The following FOXP2 variants were observed in gnomAD, a reference collection of about 807,000 sequenced individuals.
FOXP2 encodes the protein forkhead box P2, also known as forkhead box protein P2.
FOXP2 carries 12 observed loss-of-function variants against 115.8 expected under a neutral mutation model. The observed-to-expected ratio is 0.10, with a 90% confidence interval of 0.07 to 0.17. The LOEUF (loss-of-function observed/expected upper bound fraction) is 0.17, where lower values mean the gene tolerates loss of function less well. Among genes scored for constraint, FOXP2 ranks in the 10% least tolerant of loss-of-function variants. FOXP2 has a pLI of 1.00. For missense variants in FOXP2, 629 were observed against 843.5 expected, an observed-to-expected ratio of 0.75 and a Z score of 3.15; for synonymous variants, 328 against 297.7, an observed-to-expected ratio of 1.10 and a Z score of -1.05.
chr7:114,361,501 C>T (rs1791744156), intron 2 of FOXP2, among the ~76,000 whole-genome samples: 2 of 152,026 alleles, frequency 1.3e-5, no homozygotes, highest in African/African-American at 4.8e-5. Context: ...ATAATTTGTT[C>T]AGCCATAATG....
chr7:114,135,689 T>C (rs1251617500), intron 1 of FOXP2, among the ~76,000 whole-genome samples: 1 of 152,168 alleles, frequency 6.6e-6, no homozygotes, highest in Non-Finnish European at 1.5e-5. Context: ...AGTAGTGTTA[T>C]GCATTAGCTC....
intron 1 of FOXP2, among the ~76,000 whole-genome samples, chr7:114,101,936 T>C (rs1159240465): frequency 6.6e-6 from 1 of 151,036 alleles, no homozygotes; most frequent in African/African-American, 2.4e-5. Flanking sequence ...TGTGTGTGTG[T>C]GTGTCTAGAA....
chr7:114,225,909 T>C (rs961464944), intron 1 of FOXP2, among the ~76,000 whole-genome samples: 1 of 152,174 alleles, frequency 6.6e-6, no homozygotes, highest in African/African-American at 2.4e-5. Flanking sequence ...CAAAACATAT[T>C]CCATTATTTT....
chr7:114,544,738 A>G (rs1205147393), intron 3 of FOXP2, among the ~76,000 whole-genome samples: 1 of 152,236 alleles, frequency 6.6e-6, no homozygotes, highest in Non-Finnish European at 1.5e-5. Flanking sequence ...AGACAAAATT[A>G]TTCTCTCTAC....
intron 1 of FOXP2, among the ~76,000 whole-genome samples, chr7:114,101,900 TGTGTG>T (rs1421404325): frequency 4.1e-4 from 2 of 4,862 alleles, no homozygotes; most frequent in African/African-American, 9.5e-4. Context: ...TTCAACATTT[TGTGTG>T]TGTGTGTGTG....
At chr7:114,493,310 C>G (rs545905590) in intron 2 of FOXP2, among the ~76,000 whole-genome samples, 3 of 151,972 alleles carry the variant, frequency 2.0e-5, no homozygotes, top group Non-Finnish European at 4.4e-5. Flanking sequence ...TGTCTCTGCA[C>G]GTGAGATGGG....
intron 2 of FOXP2, among the ~76,000 whole-genome samples, chr7:114,458,552 T>G (rs1295590132): frequency 1.4e-5 from 2 of 146,352 alleles, no homozygotes; most frequent in African/African-American, 5.0e-5. Flanking sequence ...TTTTCTTTTT[T>G]TTTTTTTTTT....
At chr7:114,512,101 A>G (rs898839080) in intron 2 of FOXP2, among the ~76,000 whole-genome samples, 6 of 152,088 alleles carry the variant, frequency 3.9e-5, no homozygotes, top group Non-Finnish European at 1.5e-5. Flanking sequence ...TTTTTTGTTA[A>G]TATAGTTAGT....
chr7:114,163,578 T>G (rs903929602), intron 1 of FOXP2, among the ~76,000 whole-genome samples: 1 of 152,158 alleles, frequency 6.6e-6, no homozygotes, highest in African/African-American at 2.4e-5. Flanking sequence ...TTATCCATAA[T>G]CTGCTACACA....
At chr7:114,504,073 G>A (rs189557174) in intron 2 of FOXP2, among the ~76,000 whole-genome samples, 12 of 151,600 alleles carry the variant, frequency 7.9e-5, no homozygotes, top group South Asian at 2.1e-4. Context: ...TTTTGAAAGC[G>A]ATTGCACAGT....
At chr7:114,672,382 C>G (rs1347945859) in intron 16 of FOXP2, among the ~76,000 whole-genome samples, 1 of 152,002 alleles carries the variant, frequency 6.6e-6, no homozygotes, top group Non-Finnish European at 1.5e-5. Context: ...GTCAGGAGTT[C>G]AAGACCAGCC....
At chr7:114,398,682 T>G (rs1792803704) in intron 2 of FOXP2, among the ~76,000 whole-genome samples, 1 of 152,252 alleles carries the variant, frequency 6.6e-6, no homozygotes, top group Non-Finnish European at 1.5e-5. Context: ...ACAGTATAAA[T>G]TACTACAGCT....
chr7:114,341,907 G>C (rs573925903), intron 2 of FOXP2, among the ~76,000 whole-genome samples: 1 of 151,300 alleles, frequency 6.6e-6, no homozygotes, highest in African/African-American at 2.4e-5. Flanking sequence ...CACTGCCAAA[G>C]TCTACTTGAT....
Position 114,692,264 on chromosome 7 carries a change from C to T in FOXP2, c.*2338C>T, listed in dbSNP as rs1276295687. On this transcript the variant is annotated 3_prime_UTR_variant, in exon 17 of 17. Transcript: ENST00000350908. Reference sequence around the variant, plus strand: ...GACTACAATGCTAAAGTATGCATACCTCAGTTAGAAAACTTTTGAAAGGAA... The same window carrying T: ...GACTACAATGCTAAAGTATGCATACTTCAGTTAGAAAACTTTTGAAAGGAA... The T allele has an allele frequency of 1.5e-5, 7 of 453,776 alleles. No individual in the cohort carries two copies. The highest frequency in any genetic ancestry group is 3.1e-5 in the Non-Finnish European group (7 of 226,718). The allele number at this position is 453,776 out of a possible 1,614,324, so 28.1% of individuals were successfully genotyped here.
At chr7:114,670,377 A>G (rs1807430916) in intron 16 of FOXP2, among the ~76,000 whole-genome samples, 1 of 152,130 alleles carries the variant, frequency 6.6e-6, no homozygotes, top group Admixed American at 6.6e-5. Flanking sequence ...AATAGAGATC[A>G]TAAGATTTTT....
intron 10 of FOXP2, among the ~76,000 whole-genome samples, chr7:114,655,794 T>C (rs972160661): frequency 2.6e-5 from 4 of 152,150 alleles, no homozygotes; most frequent in Non-Finnish European, 5.9e-5. Context: ...TATCAGTACA[T>C]GAACACAAGG....
intron 10 of FOXP2, among the ~76,000 whole-genome samples, chr7:114,654,877 C>G (rs1806485167): frequency 6.6e-6 from 1 of 152,010 alleles, no homozygotes; most frequent in African/African-American, 2.4e-5. Flanking sequence ...GGGGAGGAGA[C>G]AGAAGACGAC....
At chr7:114,590,738 A>G (rs1802399567) in intron 3 of FOXP2, among the ~76,000 whole-genome samples, 1 of 152,128 alleles carries the variant, frequency 6.6e-6, no homozygotes, top group African/African-American at 2.4e-5. Flanking sequence ...GCAGCGGGGA[A>G]GATGATGAAT....
chr7:114,107,646 C>G (rs533287435), intron 1 of FOXP2, among the ~76,000 whole-genome samples: 1 of 152,016 alleles, frequency 6.6e-6, no homozygotes, highest in African/African-American at 2.4e-5. Flanking sequence ...GATACATATT[C>G]TTTAGCTCGT....
Sources: gnomAD v4.1 joint callset for allele counts (sites outside exome capture counted in the v4.1 genomes callset) on GRCh38, gnomAD v4.1.1 for gene constraint, MANE v1.5 for transcripts, NCBI Gene and HGNC (gene_info 2026-07-23, HGNC 2026-07-21) for gene names.